Variants in EVC observed in about 807,000 individuals in gnomAD.
EVC encodes the protein evC complex member EVC.
Under a neutral mutation model 118.9 loss-of-function variants are expected in EVC, and 116 were observed. The observed-to-expected ratio is 0.98, with a 90% confidence interval of 0.84 to 1.14. The LOEUF (loss-of-function observed/expected upper bound fraction) is 1.14. Among genes scored for constraint, EVC ranks in the 50% most tolerant of loss-of-function variants. The probability of loss-of-function intolerance (pLI) is 0.00; values close to 1 mark genes in which losing one functional copy is unlikely to be tolerated. For synonymous variants in EVC, 619 were observed against 534.7 expected, an observed-to-expected ratio of 1.16 and a Z score of -2.18; for missense variants, 1,401 against 1,246.4, an observed-to-expected ratio of 1.12 and a Z score of -1.87.
intron 5 of EVC, among the ~76,000 whole-genome samples, chr4:5,739,974 A>G (rs1577388714): frequency 6.6e-6 from 1 of 151,982 alleles, no homozygotes; most frequent in Non-Finnish European, 1.5e-5. Context: ...TGACCATATT[A>G]TATCTAAATG....
chr4:5,798,558 C>A lies in EVC; in HGVS notation c.2098-28C>A. 2 of 1,548,232 alleles carry A rather than the reference C, an allele frequency of 1.3e-6. No homozygotes were observed. Among genetic ancestry groups the A allele is most frequent in the Non-Finnish European group, 1.7e-6 (2 of 1,145,750 alleles). ...GCTTCTCTGTGAGAGGAGCACTTGGCCCCTGCTCCCAGTCCTTTCCCTCCC... is the reference window on the plus strand; with the variant it reads ...GCTTCTCTGTGAGAGGAGCACTTGGACCCTGCTCCCAGTCCTTTCCCTCCC... On this transcript the variant is annotated intron_variant, in intron 14 of 20. Coordinates refer to ENST00000264956, the MANE Select transcript of EVC (RefSeq NM_153717.3). The surrounding 1 kb of genome is among the most constrained non-coding windows in gnomAD (Gnocchi z 4.1).
At chr4:5,724,602 G>A (rs937702680) in intron 2 of EVC, among the ~76,000 whole-genome samples, 5 of 152,146 alleles carry the variant, frequency 3.3e-5, no homozygotes, top group Non-Finnish European at 5.9e-5. Context: ...TCACCTCTCT[G>A]TGACTCATTT....
At chr4:5,757,120 A>C (rs1231746942) in intron 11 of EVC, among the ~76,000 whole-genome samples, 1 of 152,194 alleles carries the variant, frequency 6.6e-6, no homozygotes, top group Non-Finnish European at 1.5e-5. Context: ...GGGGACAGTC[A>C]TAATTCTTCT....
chr4:5,777,078 G>A lies in EVC; in HGVS notation c.1564-6474G>A, dbSNP rs1056379051. Among the ~76,000 whole-genome samples the A allele has an allele frequency of 5.9e-5, 9 of 152,004 alleles. 1 individual carries two copies. Among genetic ancestry groups the A allele is most frequent in the African/African-American group, 1.7e-4 (7 of 41,368 alleles). ...ATCATGTTACCTTATCTCCTCATGTGTCTGTTTATATTTTGTGTACTATAT... is the reference window on the plus strand; with the variant it reads ...ATCATGTTACCTTATCTCCTCATGTATCTGTTTATATTTTGTGTACTATAT... On this transcript the variant is annotated intron_variant, in intron 11 of 20. Transcript: ENST00000264956.
Position 5,805,223 on chromosome 4 carries a change from A to G in EVC, c.2561+382A>G, listed in dbSNP as rs543673300. On this transcript the variant is annotated intron_variant, in intron 17 of 20. Transcript: ENST00000264956. The stretch of plus-strand genomic sequence containing the variant: ...CCTGGGAGGTGACCCGCAGAGGCAC[A>G]GTGAGAGGGCAGGGAAGTGAGGAAG... Among the ~76,000 whole-genome samples the G allele has an allele frequency of 8.5e-5, 13 of 152,322 alleles. No individual in the cohort carries two copies. The East Asian group carries it at 9.7e-4, about 11-fold the overall frequency.
chr4:5,717,174 T>C (rs1309932907), intron 1 of EVC, among the ~76,000 whole-genome samples: 1 of 152,222 alleles, frequency 6.6e-6, no homozygotes, highest in East Asian at 1.9e-4. Context: ...TTTTACATTA[T>C]CTTTGGAGAG....
intron 8 of EVC, among the ~76,000 whole-genome samples, chr4:5,748,936 G>A (rs908149836): frequency 1.7e-4 from 19 of 111,722 alleles, no homozygotes; most frequent in African/African-American, 4.9e-4. Flanking sequence ...GCCCCAGATG[G>A]GTCTCCATCC....
At position 5,809,557 on chromosome 4, in the gene EVC, G is replaced by A. The variant is rs372956133; in HGVS notation, c.2728G>A (p.Ala910Thr). 2.5e-6 allele frequency: 4 copies of A among 1,614,070 alleles called. No individual in the cohort carries two copies. The highest frequency in any genetic ancestry group is 3.4e-6 in the Non-Finnish European group (4 of 1,180,052). ...QNFISELAAL[A>T]RVPLAESKLL... ...CTTCATCTCCGAGCTGGCAGCCTTG[G>A]CCCGAGTGCCCCTTGCTGAAAGCAA... Residue 910 changes from alanine (A) to threonine (T), a missense_variant, in exon 19 of 21, where the codon GCC (alanine) becomes ACC (threonine). Ala to Thr is a moderately conservative substitution (Grantham distance 58). Coordinates refer to ENST00000264956, the MANE Select transcript of EVC (RefSeq NM_153717.3).
In EVC at chr4:5,811,904, C is replaced by T. The variant is rs895535694; in HGVS notation, c.*867C>T. ...GCCTTTCCAGCCTGGAGAGAAACTT[C>T]CAGACCAGCCCTCTCACTACAGCCA... is the stretch of plus-strand genomic sequence containing the variant. On this transcript the variant is annotated 3_prime_UTR_variant, in exon 21 of 21. Transcript: ENST00000264956. 1.8e-4 allele frequency: 27 copies of T among 154,148 alleles called. No individual in the cohort carries two copies. The highest frequency in any genetic ancestry group is 4.3e-5 in the Non-Finnish European group (3 of 70,558). The allele number at this position is 154,148 out of a possible 1,614,324, so 9.5% of individuals were successfully genotyped here.
intron 11 of EVC, among the ~76,000 whole-genome samples, chr4:5,769,476 C>T (rs917352631): frequency 1.6e-5 from 2 of 126,996 alleles, no homozygotes; most frequent in Admixed American, 8.9e-5. Flanking sequence ...TTTCTGAATC[C>T]CCCCTGTCTC....
At chr4:5,725,439 CATT>C (rs1248616832) in intron 2 of EVC, among the ~76,000 whole-genome samples, 1 of 152,184 alleles carries the variant, frequency 6.6e-6, no homozygotes, top group African/African-American at 2.4e-5. Context: ...GATGGTATCT[CATT>C]GTGGTTTTGA....
At chr4:5,734,007 T>A (rs1727268241) in intron 5 of EVC, among the ~76,000 whole-genome samples, 1 of 152,080 alleles carries the variant, frequency 6.6e-6, no homozygotes, top group South Asian at 2.1e-4. Flanking sequence ...CTTGACTGAA[T>A]GAACAAGAAC....
At chr4:5,713,509 C>A (rs772252050) in intron 1 of EVC, among the ~76,000 whole-genome samples, 4 of 152,038 alleles carry the variant, frequency 2.6e-5, no homozygotes, top group Non-Finnish European at 5.9e-5. Flanking sequence ...GAAACCCTGC[C>A]TCTACTAAAA....
At chr4:5,739,467 C>T (rs908175530) in intron 5 of EVC, among the ~76,000 whole-genome samples, 4 of 152,046 alleles carry the variant, frequency 2.6e-5, no homozygotes, top group Admixed American at 6.6e-5. Context: ...CTGTAAAATG[C>T]GGAAGATGGT....
intron 11 of EVC, among the ~76,000 whole-genome samples, chr4:5,778,403 G>A (rs1339621315): frequency 1.3e-5 from 2 of 151,780 alleles, no homozygotes; most frequent in African/African-American, 2.4e-5. Context: ...AGATCCCTGA[G>A]GAATCGCCAC....
At chr4:5,721,857 ACT>A (rs1340752645) in intron 2 of EVC, among the ~76,000 whole-genome samples, 18 of 152,090 alleles carry the variant, frequency 1.2e-4, no homozygotes, top group Admixed American at 6.5e-5. Flanking sequence ...ACAGAGCAAG[ACT>A]CTGTCTCAAA....
chr4:5,771,974 T>C (rs1734050142), intron 11 of EVC, among the ~76,000 whole-genome samples: 2 of 152,010 alleles, frequency 1.3e-5, no homozygotes, highest in South Asian at 4.1e-4. Context: ...CTCGGCTCAC[T>C]GCAAGCTCCA....
chr4:5,799,985 C>G (rs1199277838), intron 15 of EVC, among the ~76,000 whole-genome samples: 1 of 152,184 alleles, frequency 6.6e-6, no homozygotes, highest in Admixed American at 6.5e-5. Context: ...CCTCAGCTTT[C>G]CAGAGGGATT....
At chr4:5,805,895 T>C (rs1475195524) in intron 17 of EVC, among the ~76,000 whole-genome samples, 5 of 148,950 alleles carry the variant, frequency 3.4e-5, no homozygotes, top group South Asian at 2.1e-4. Flanking sequence ...TCTTTTCTTT[T>C]TTTTTTTTTT....
Sources: gnomAD v4.1 joint callset for allele counts (sites outside exome capture counted in the v4.1 genomes callset) on GRCh38, gnomAD v4.1.1 for gene constraint, Gnocchi (gnomAD v3.1) non-coding constraint, MANE v1.5 for transcripts, NCBI Gene and HGNC (gene_info 2026-07-23, HGNC 2026-07-21) for gene names.